The following MAP3K1 variants were observed in gnomAD, a reference collection of about 807,000 sequenced individuals.
MAP3K1 encodes the protein mitogen-activated protein kinase kinase kinase 1.
MAP3K1 carries 36 observed loss-of-function variants against 144.2 expected under a neutral mutation model. The observed-to-expected ratio is 0.25, with a 90% CI of 0.19 to 0.33. The LOEUF is 0.33. Ranked by LOEUF, MAP3K1 falls within the 10% of genes least tolerant of loss-of-function variation. MAP3K1 has a pLI of 1.00. For missense variants in MAP3K1, 1,650 were observed against 1,881.9 expected (o/e 0.88, Z 2.28); for synonymous variants, 718 against 688.7 (o/e 1.04, Z -0.67).
chr5:56,879,099 T>G lies in MAP3K1; in HGVS notation c.2085T>G (p.Asn695Lys), dbSNP rs1163254626. 6.2e-7 allele frequency: 1 copy of G among 1,613,870 alleles called. No homozygotes were observed. Among genetic ancestry groups the G allele is most frequent in the Admixed American group, 1.7e-5 (1 of 60,018 alleles). The change falls in exon 11 of 20, where the codon AAT becomes AAG. Residue 695 changes from asparagine to lysine, a missense_variant and splice_region_variant. Around this residue, in one of 6 missense-constraint regions of MAP3K1, gnomAD observed 841 missense variants for 886.5 expected, o/e 0.95. Coordinates refer to ENST00000399503, the MANE Select transcript of MAP3K1 (RefSeq NM_005921.2). ...DTILVKCADA[N>K]SRTSQLSIST... is the part of the protein sequence containing the mutation. ...TCCTAGTCAAATGTGCAGATGCCAA[T>G]AGGTAAGGCTTTATTGATGAATCAC... is the stretch of plus-strand genomic sequence containing the variant.
chr5:56,876,937 G>T lies in MAP3K1; in HGVS notation c.1965+1627G>T, dbSNP rs146154636. ...TATTCTGTGGAAGTTTGGCAGGGTT[G>T]TGAAAAGTTCCCTGAAGAAAGAATC... On this transcript the variant is annotated intron_variant, in intron 10 of 19. Transcript: ENST00000399503. Among the ~76,000 whole-genome samples the T allele has an allele frequency of 4.9e-3, 747 of 152,272 alleles. 3 individuals are homozygous for T. The highest frequency in any genetic ancestry group is 0.016 in the African/African-American group (684 of 41,544).
chr5:56,819,477 G>C (rs898791399), intron 1 of MAP3K1, among the ~76,000 whole-genome samples: 2 of 152,184 alleles, frequency 1.3e-5, no homozygotes, highest in African/African-American at 4.8e-5. Context: ...GGCTGAGTCG[G>C]CTAATCAGTC....
In MAP3K1 at chr5:56,879,217, G is replaced by A; in HGVS notation, c.2087+116G>A. 5 of 1,292,800 alleles carry A rather than the reference G, an allele frequency of 3.9e-6. No individual in the cohort carries two copies. The Admixed American group carries it at 6.8e-5, about 18-fold the overall frequency. The allele number at this position is 1,292,800 out of a possible 1,614,324, so 80.1% of individuals were successfully genotyped here. A position where few individuals can be genotyped will look rare whatever the true frequency, so the allele number is the denominator to read the frequency against. On this transcript the variant is annotated intron_variant, in intron 11 of 19. Coordinates refer to ENST00000399503, the MANE Select transcript of MAP3K1 (RefSeq NM_005921.2). ...TTTATTAAATGAGTCTTTGAACATTGTCTTTTAATGTGAGATTTAAAATGA... is the reference window on the plus strand; with the variant it reads ...TTTATTAAATGAGTCTTTGAACATTATCTTTTAATGTGAGATTTAAAATGA...
intron 1 of MAP3K1, among the ~76,000 whole-genome samples, chr5:56,837,161 G>A (rs1746679979): frequency 2.0e-5 from 3 of 151,130 alleles, no homozygotes; most frequent in South Asian, 2.1e-4. Flanking sequence ...TCTTCCTCTT[G>A]GGTTGCTTCC....
chr5:56,851,592 TC>T (rs1212122703), intron 1 of MAP3K1, among the ~76,000 whole-genome samples: 5 of 152,348 alleles, frequency 3.3e-5, no homozygotes, highest in Non-Finnish European at 7.4e-5. Flanking sequence ...TCTCAGTGTT[TC>T]TACTTATTAC....
intron 10 of MAP3K1, among the ~76,000 whole-genome samples, chr5:56,878,523 A>G (rs1014701032): frequency 8.5e-5 from 13 of 152,156 alleles, no homozygotes; most frequent in African/African-American, 3.1e-4. Context: ...GAATTATTCT[A>G]TAAAGAAGAG....
intron 3 of MAP3K1, among the ~76,000 whole-genome samples, chr5:56,863,269 ACT>A (rs1399455333): frequency 1.3e-5 from 2 of 152,120 alleles, no homozygotes; most frequent in Admixed American, 1.3e-4. Flanking sequence ...GCTCAAATAA[ACT>A]CTGTTAAATT....
In MAP3K1 at chr5:56,865,987, T is replaced by G. The variant is rs1184243506; in HGVS notation, c.1301+10T>G. On this transcript the variant is annotated intron_variant, in intron 6 of 19. Transcript: ENST00000399503. ...CTAGTTCAGAAAACAGGTTAGTACT[T>G]TTTAAGGATTTCAAACATTAATCCA... The G allele has an allele frequency of 6.3e-7, 1 of 1,590,536 alleles. No homozygotes were observed. The highest frequency in any genetic ancestry group is 1.1e-5 in the South Asian group (1 of 90,596).
chr5:56,834,908 T>C (rs1746601021), intron 1 of MAP3K1, among the ~76,000 whole-genome samples: 1 of 152,090 alleles, frequency 6.6e-6, no homozygotes, highest in Admixed American at 6.6e-5. Flanking sequence ...ATTTTAGATA[T>C]TATTATAATA....
chr5:56,858,303 ATTTG>A (rs1747400478), intron 2 of MAP3K1, among the ~76,000 whole-genome samples: 1 of 152,318 alleles, frequency 6.6e-6, no homozygotes, highest in Admixed American at 6.5e-5. Flanking sequence ...TGAGCCAGCT[ATTTG>A]TTCTTTATTA....
chr5:56,835,370 GGA>G (rs1746618366), intron 1 of MAP3K1, among the ~76,000 whole-genome samples: 1 of 133,934 alleles, frequency 7.5e-6, no homozygotes, highest in African/African-American at 3.1e-5. Context: ...GCAGGGAAGA[GGA>G]GACAGGAAGG....
chr5:56,827,580 C>G (rs1746356475), intron 1 of MAP3K1, among the ~76,000 whole-genome samples: 1 of 152,236 alleles, frequency 6.6e-6, no homozygotes, highest in Non-Finnish European at 1.5e-5. Flanking sequence ...GAACCTGGGC[C>G]TTGCTGGGTG....
intron 1 of MAP3K1, among the ~76,000 whole-genome samples, chr5:56,831,219 A>G (rs1046353688): frequency 7.0e-6 from 1 of 142,534 alleles, no homozygotes; most frequent in African/African-American, 2.6e-5. Flanking sequence ...ATGTGTGTGA[A>G]TTTGAGGTTC....
Position 56,871,928 on chromosome 5 carries a change from A to T in MAP3K1, c.1320A>T (p.Glu440Asp), listed in dbSNP as rs369687609. The change falls in exon 7 of 20, where the codon GAA becomes GAT. Residue 440 changes from glutamate (E) to aspartate (D), a missense_variant. By Grantham distance (45) the Glu-to-Asp change is conservative. Coordinates refer to ENST00000399503, the MANE Select transcript of MAP3K1 (RefSeq NM_005921.2). ...SSENSIKDEEEQMCPICLLGM... is the reference protein window; with the variant it reads ...SSENSIKDEEDQMCPICLLGM... ...TCTATAGCATAAAGGATGAAGAGGAACAGATGTGTCCTATTTGCTTGTTGG... is the reference window on the plus strand; with the variant it reads ...TCTATAGCATAAAGGATGAAGAGGATCAGATGTGTCCTATTTGCTTGTTGG... The T allele has an allele frequency of 1.9e-6, 3 of 1,613,880 alleles. No individual in the cohort carries two copies. The highest frequency in any genetic ancestry group is 2.5e-6 in the Non-Finnish European group (3 of 1,179,764).
chr5:56,884,106 A>AC (rs1748306369), intron 15 of MAP3K1, among the ~76,000 whole-genome samples: 4 of 152,154 alleles, frequency 2.6e-5, no homozygotes, highest in African/African-American at 9.7e-5. Flanking sequence ...CCGAGATCGC[A>AC]CCACTGTACT....
At chr5:56,882,997 T>TGG in intron 14 of MAP3K1, 131 bp downstream of exon 14, 1 of 723,520 alleles carries the variant, frequency 1.4e-6, no homozygotes, top group Non-Finnish European at 2.3e-6. Flanking sequence ...GAAACTAGCC[T>TGG]GGTCAACAAA....
At position 56,844,183 on chromosome 5, in the gene MAP3K1, G is replaced by GTTTTTTTTTTTTT. The variant is rs770169813; in HGVS notation, c.483-12405_483-12393dup. 2.1e-4 allele frequency among the ~76,000 whole-genome samples: 16 copies of GTTTTTTTTTTTTT among 76,104 alleles called. 1 individual carries two copies. Among genetic ancestry groups the GTTTTTTTTTTTTT allele is most frequent in the East Asian group, 4.0e-4 (1 of 2,476 alleles). 49.9% of individuals were successfully genotyped at this position (76,104 alleles called of 152,430 possible). A position where few individuals can be genotyped will look rare whatever the true frequency, so the allele number is the denominator to read the frequency against. On this transcript the variant is annotated intron_variant, in intron 1 of 19. Coordinates refer to ENST00000399503, the MANE Select transcript of MAP3K1 (RefSeq NM_005921.2). ...TAGTATTATAGGATTGTTTTTTTTG[G>GTTTTTTTTTTTTT]TTTTTTTTTTTTTTTTTTTTTTTTG...
intron 1 of MAP3K1, among the ~76,000 whole-genome samples, chr5:56,854,951 C>T (rs906794563): frequency 2.6e-5 from 4 of 152,158 alleles, no homozygotes; most frequent in African/African-American, 9.7e-5. Flanking sequence ...GCTTTTAATA[C>T]TAAAGACTTG....
chr5:56,842,427 A>G (rs1177889391), intron 1 of MAP3K1, among the ~76,000 whole-genome samples: 1 of 152,106 alleles, frequency 6.6e-6, no homozygotes, highest in Non-Finnish European at 1.5e-5. Context: ...GAAGATGAGG[A>G]CTCTTACCTT....
Sources: allele counts gnomAD v4.1 joint callset (sites outside exome capture counted in the v4.1 genomes callset), GRCh38; gene constraint gnomAD v4.1.1; regional missense constraint gnomAD v4.1.1; transcripts MANE v1.5; gene names NCBI Gene and HGNC (gene_info 2026-07-23, HGNC 2026-07-21).